TDRD9: variants seen among roughly 807,000 people sequenced by gnomAD.
TDRD9 encodes the protein ATP-dependent RNA helicase TDRD9.
A neutral mutation model predicts 172.6 loss-of-function variants in TDRD9; 124 were observed. The ratio of observed to expected loss-of-function variants is 0.72; its 90% CI spans 0.62 to 0.83. The LOEUF (loss-of-function observed/expected upper bound fraction) is 0.83. Among genes scored for constraint, TDRD9 ranks in the 40% least tolerant of loss-of-function variants. The pLI is 0.00. For missense variants in TDRD9, 1,479 were observed against 1,714.1 expected (o/e 0.86, Z 2.42); for synonymous variants, 619 against 617.1 (o/e 1.00, Z -0.05).
chr14:104,049,558 T>G (rs78480328), intron 34 of TDRD9, 50 bp from the exon 35 acceptor site: 2 of 1,421,780 alleles, frequency 1.4e-6, no homozygotes, highest in East Asian at 5.0e-5. Context: ...ACAGCAGTGT[T>G]TTCAGTTACT....
intron 1 of TDRD9, chr14:103,941,202 C>G (rs1595895517): frequency 9.5e-7 from 1 of 1,052,808 alleles, no homozygotes; most frequent in Non-Finnish European, 1.3e-6. Flanking sequence ...AAGTTACCCA[C>G]CTTTTGAGTA....
intron 33 of TDRD9, among the ~76,000 whole-genome samples, chr14:104,041,109 G>A (rs187581837): frequency 6.6e-6 from 1 of 152,156 alleles, no homozygotes; most frequent in Non-Finnish European, 1.5e-5. Context: ...CTGAAGGGCC[G>A]GGGGAAAGGA....
chr14:104,024,070 A>G (rs931948985), intron 24 of TDRD9, among the ~76,000 whole-genome samples: 20 of 152,194 alleles, frequency 1.3e-4, no homozygotes, highest in East Asian at 1.9e-4. Context: ...AGCATTTACT[A>G]TCTTATTGCC....
chr14:103,979,636 C>T (rs908417192), intron 7 of TDRD9, among the ~76,000 whole-genome samples: 1 of 152,134 alleles, frequency 6.6e-6, no homozygotes, highest in African/African-American at 2.4e-5. Context: ...CTATTAGGCC[C>T]CACCTCCAAC....
chr14:103,943,907 A>G (rs764782371), intron 1 of TDRD9, among the ~76,000 whole-genome samples: 2 of 152,224 alleles, frequency 1.3e-5, no homozygotes, highest in African/African-American at 2.4e-5. Flanking sequence ...AAAAAGCCAG[A>G]TGTCAGGACT....
At chr14:104,034,426 G>A (rs980914886) in intron 31 of TDRD9, among the ~76,000 whole-genome samples, 10 of 152,064 alleles carry the variant, frequency 6.6e-5, no homozygotes, top group East Asian at 3.9e-4. Flanking sequence ...TCCTGACCTC[G>A]TGATCCACCC....
At chr14:103,999,529 A>G (rs2034179653) in intron 13 of TDRD9, among the ~76,000 whole-genome samples, 1 of 152,112 alleles carries the variant, frequency 6.6e-6, no homozygotes, top group Non-Finnish European at 1.5e-5. Context: ...CAGTGGAGGT[A>G]TATTCATGAC....
chr14:104,004,452 C>T (rs1416349673), intron 14 of TDRD9, 117 bp downstream of exon 14: 2 of 543,566 alleles, frequency 3.7e-6, no homozygotes, highest in Non-Finnish European at 6.6e-6. Context: ...ATGATCTTGG[C>T]TCACTGCAAT....
At chr14:103,936,860 G>A (rs975549969) in intron 1 of TDRD9, among the ~76,000 whole-genome samples, 1 of 152,216 alleles carries the variant, frequency 6.6e-6, no homozygotes, top group Admixed American at 6.5e-5. Context: ...GGGAAGCTGA[G>A]GTGGGAGGAT....
At chr14:103,984,515 ATGT>A (rs1445633529) in intron 7 of TDRD9, among the ~76,000 whole-genome samples, 1 of 152,206 alleles carries the variant, frequency 6.6e-6, no homozygotes, top group African/African-American at 2.4e-5. Context: ...CAGCCCCCAC[ATGT>A]TGTTAAGCCT....
At chr14:104,026,255 C>G (rs2035114553) in intron 27 of TDRD9, 119 bp downstream of exon 27, 2 of 681,364 alleles carry the variant, frequency 2.9e-6, no homozygotes, top group Non-Finnish European at 5.1e-6. Context: ...AGGCCCAGGA[C>G]AGGGAGGGAC....
At chr14:103,954,650 A>G (rs527774736) in intron 1 of TDRD9, among the ~76,000 whole-genome samples, 7 of 152,134 alleles carry the variant, frequency 4.6e-5, no homozygotes, top group Non-Finnish European at 8.8e-5. Flanking sequence ...TTTTTTTGAG[A>G]TGGAATGTGG....
chr14:103,933,823 G>C (rs889896932), intron 1 of TDRD9, among the ~76,000 whole-genome samples: 3 of 152,198 alleles, frequency 2.0e-5, no homozygotes, highest in Non-Finnish European at 4.4e-5. Flanking sequence ...TCTGACAGAT[G>C]GGGGAAGTTA....
At chr14:104,036,702 A>G (rs550852931) in intron 32 of TDRD9, among the ~76,000 whole-genome samples, 2 of 152,372 alleles carry the variant, frequency 1.3e-5, no homozygotes, top group African/African-American at 4.8e-5. Context: ...CTTGGTATTT[A>G]AAACACCATC....
At chr14:104,006,354 G>C in intron 15 of TDRD9, 35 bp from the exon 16 acceptor site, 1 of 1,591,562 alleles carries the variant, frequency 6.3e-7, no homozygotes, top group South Asian at 1.1e-5. Flanking sequence ...GAGTAAGTCA[G>C]TGCTTGATAA....
intron 13 of TDRD9, among the ~76,000 whole-genome samples, chr14:104,001,171 A>G (rs2034247579): frequency 6.6e-6 from 1 of 152,162 alleles, no homozygotes; most frequent in South Asian, 2.1e-4. Flanking sequence ...AGAGCACAGA[A>G]CTGTCCTGTC....
At chr14:103,957,097 C>T (rs1244281948) in intron 2 of TDRD9, among the ~76,000 whole-genome samples, 1 of 152,130 alleles carries the variant, frequency 6.6e-6, no homozygotes, top group African/African-American at 2.4e-5. Flanking sequence ...TTGATTTAGG[C>T]TTCTTGACTA....
chr14:103,960,084 T>C (rs1158043936), intron 2 of TDRD9, among the ~76,000 whole-genome samples: 1 of 152,246 alleles, frequency 6.6e-6, no homozygotes, highest in African/African-American at 2.4e-5. Context: ...TTCAAGTTAA[T>C]TTTGTATTCA....
intron 19 of TDRD9, among the ~76,000 whole-genome samples, chr14:104,007,604 TAAAAG>T (rs1308682907): frequency 6.6e-6 from 1 of 151,820 alleles, no homozygotes; most frequent in Non-Finnish European, 1.5e-5. Flanking sequence ...ATAACGGGCT[TAAAAG>T]AAATGTAATC....
Sources: allele counts gnomAD v4.1 joint callset (sites outside exome capture counted in the v4.1 genomes callset), GRCh38; gene constraint gnomAD v4.1.1; transcripts MANE v1.5; gene names NCBI Gene and HGNC (gene_info 2026-07-23, HGNC 2026-07-21).